PFDN1: variants seen among roughly 807,000 people sequenced by gnomAD.
PFDN1 encodes the protein prefoldin 1.
In PFDN1, 6 loss-of-function variants were observed where a neutral mutation model predicts 17.3. The ratio of observed to expected loss-of-function variants is 0.35; its 90% CI spans 0.19 to 0.69. PFDN1 has a LOEUF of 0.69. PFDN1 is among the 30% of genes least tolerant of loss of function. PFDN1 has a pLI of 0.65. For synonymous variants in PFDN1, 58 were observed against 50.1 expected, an observed-to-expected ratio of 1.16 and a Z score of -0.67; for missense variants, 113 against 146.2, an observed-to-expected ratio of 0.77 and a Z score of 1.17.
intron 2 of PFDN1, among the ~76,000 whole-genome samples, chr5:140,284,937 C>G (rs907224304): frequency 6.6e-6 from 1 of 152,154 alleles, no homozygotes; most frequent in African/African-American, 2.4e-5. Context: ...ATTTGAGAAA[C>G]ATCAGACTCC....
chr5:140,288,097 A>G (rs1561514939), intron 2 of PFDN1, among the ~76,000 whole-genome samples: 1 of 152,266 alleles, frequency 6.6e-6, no homozygotes, highest in African/African-American at 2.4e-5. Flanking sequence ...GAAAACTTCC[A>G]TGCACATGTG....
chr5:140,276,779 T>TCAAAAAA (rs1765300644), intron 3 of PFDN1, among the ~76,000 whole-genome samples: 3 of 24,730 alleles, frequency 1.2e-4, no homozygotes, highest in African/African-American at 1.9e-4. Context: ...AGACACCGTC[T>TCAAAAAA]CAAAAAAAAA....
intron 3 of PFDN1, among the ~76,000 whole-genome samples, chr5:140,256,658 CAAAA>C (rs757723797): frequency 5.0e-5 from 2 of 39,890 alleles, no homozygotes; most frequent in Admixed American, 4.3e-4. Context: ...CAAAAAATGA[CAAAA>C]AAAAAAAAAA....
rs1267179358 is a variant in PFDN1 at position 140,299,944 on chromosome 5, G to A, written c.200+472C>T. On this transcript the variant is annotated intron_variant, in intron 2 of 3. Transcript: ENST00000261813. The stretch of plus-strand genomic sequence containing the variant: ...GGGGAATCGCTTGAACCCAGGAGAC[G>A]GAGATTGCAGTGAGCCAAGATCGGG... Among the ~76,000 whole-genome samples the A allele has an allele frequency of 3.3e-5, 5 of 152,174 alleles. No individual in the cohort carries two copies. In the Middle Eastern group the frequency reaches 0.014, roughly 414 times the overall value.
At chr5:140,298,311 T>C (rs1765683491) in intron 2 of PFDN1, among the ~76,000 whole-genome samples, 1 of 151,152 alleles carries the variant, frequency 6.6e-6, no homozygotes, top group Admixed American at 6.6e-5. Context: ...ATTTTACACA[T>C]GTTATTCTTT....
At chr5:140,264,204 A>ATGCCATTCATGAGGGATC (rs1765106120) in intron 3 of PFDN1, among the ~76,000 whole-genome samples, 1 of 152,070 alleles carries the variant, frequency 6.6e-6, no homozygotes, top group Admixed American at 6.6e-5. Context: ...GGATTGTGCT[A>ATGCCATTCATGAGGGATC]TGCCATTCAT....
At chr5:140,295,557 TTGG>T (rs1014468542) in intron 2 of PFDN1, among the ~76,000 whole-genome samples, 64 of 152,236 alleles carry the variant, frequency 4.2e-4, no homozygotes, top group African/African-American at 1.5e-3. Flanking sequence ...AAACTAGAAA[TTGG>T]TGGTAGTAGT....
At chr5:140,252,879 C>T (rs369055834) in intron 3 of PFDN1, among the ~76,000 whole-genome samples, 2 of 152,212 alleles carry the variant, frequency 1.3e-5, no homozygotes, top group Admixed American at 6.5e-5. Flanking sequence ...TGCCCTGAGC[C>T]GCCAGCCTGG....
intron 3 of PFDN1, among the ~76,000 whole-genome samples, chr5:140,260,026 T>C (rs180943294): frequency 1.3e-5 from 2 of 152,228 alleles, no homozygotes; most frequent in Non-Finnish European, 2.9e-5. Flanking sequence ...TGATAGACTA[T>C]ACCAACTAGG....
chr5:140,285,322 T>A (rs1449799693), intron 2 of PFDN1, among the ~76,000 whole-genome samples: 1 of 146,842 alleles, frequency 6.8e-6, no homozygotes, highest in Admixed American at 6.9e-5. Flanking sequence ...CACTCCAGCC[T>A]GGGCAACAGA....
At chr5:140,267,493 G>A (rs1359664336) in intron 3 of PFDN1, among the ~76,000 whole-genome samples, 6 of 152,178 alleles carry the variant, frequency 3.9e-5, no homozygotes, top group African/African-American at 1.4e-4. Flanking sequence ...TGAGCCCTGT[G>A]GGGTTTGAGA....
intron 3 of PFDN1, among the ~76,000 whole-genome samples, chr5:140,280,003 AAAAAAAAAAAC>A (rs1363980736): frequency 7.0e-6 from 1 of 142,942 alleles, no homozygotes; most frequent in Non-Finnish European, 1.5e-5. Flanking sequence ...CTCAAAAAAA[AAAAAAAAAAAC>A]AAAAAAAGAA....
chr5:140,272,885 C>T (rs77486195), intron 3 of PFDN1, among the ~76,000 whole-genome samples: 14 of 152,204 alleles, frequency 9.2e-5, no homozygotes, highest in Non-Finnish European at 1.9e-4. Flanking sequence ...TGCTACATTT[C>T]AATAAAAAAT....
chr5:140,246,136 G>T (rs962162572), intron 3 of PFDN1, 79 bp from the exon 4 acceptor site: 1 of 864,304 alleles, frequency 1.2e-6, no homozygotes, highest in Non-Finnish European at 1.9e-6. Flanking sequence ...ATGTCCAATG[G>T]TTATGGCTTT....
chr5:140,267,084 A>G (rs1472338408), intron 3 of PFDN1, among the ~76,000 whole-genome samples: 1 of 152,070 alleles, frequency 6.6e-6, no homozygotes, highest in Admixed American at 6.6e-5. Flanking sequence ...TTACAGTTAC[A>G]TGCAGGTGTA....
At chr5:140,272,155 G>C (rs542936378) in intron 3 of PFDN1, among the ~76,000 whole-genome samples, 334 of 151,434 alleles carry the variant, frequency 2.2e-3, no homozygotes, top group Non-Finnish European at 4.0e-3. Flanking sequence ...GAGTAGCTGG[G>C]GCTACAGACG....
intron 2 of PFDN1, among the ~76,000 whole-genome samples, chr5:140,283,137 T>C (rs1765434851): frequency 6.6e-6 from 1 of 152,230 alleles, no homozygotes; most frequent in South Asian, 2.1e-4. Flanking sequence ...TTGTCCCCTC[T>C]TCTTCATAAC....
chr5:140,294,880 T>C (rs1416927057), intron 2 of PFDN1, among the ~76,000 whole-genome samples: 4 of 151,974 alleles, frequency 2.6e-5, no homozygotes, highest in East Asian at 1.9e-4. Context: ...TAGACACTTA[T>C]CTAGTTGGCA....
chr5:140,251,995 T>TTTC (rs1554071146), intron 3 of PFDN1, among the ~76,000 whole-genome samples: 12 of 150,388 alleles, frequency 8.0e-5, no homozygotes, highest in East Asian at 3.9e-4. Flanking sequence ...TTAGTTTTTT[T>TTTC]TTTCTTTCTT....
Sources: allele counts gnomAD v4.1 joint callset (sites outside exome capture counted in the v4.1 genomes callset), GRCh38; gene constraint gnomAD v4.1.1; transcripts MANE v1.5; gene names NCBI Gene and HGNC (gene_info 2026-07-23, HGNC 2026-07-21).